Variants in ZC2HC1B observed in about 807,000 individuals in gnomAD.
ZC2HC1B encodes the protein zinc finger C2HC-type containing 1B.
Under a neutral mutation model 31.0 loss-of-function variants are expected in ZC2HC1B, and 36 were observed. The ratio of observed to expected loss-of-function variants is 1.16; its 90% CI spans 0.89 to 1.54. The LOEUF is 1.54. ZC2HC1B is among the 40% of genes most tolerant of loss of function. The probability of loss-of-function intolerance (pLI) is 0.00; values close to 1 mark genes in which losing one functional copy is unlikely to be tolerated. For synonymous variants in ZC2HC1B, 73 were observed against 88.0 expected, an observed-to-expected ratio of 0.83 and a Z score of 0.95; for missense variants, 260 against 268.6, an observed-to-expected ratio of 0.97 and a Z score of 0.22.
intron 6 of ZC2HC1B, among the ~76,000 whole-genome samples, chr6:143,936,039 C>T (rs1370212134): frequency 2.6e-5 from 4 of 152,070 alleles, no homozygotes; most frequent in Non-Finnish European, 4.4e-5. Flanking sequence ...TCCTAAAACT[C>T]GGGCTTTCAT....
Position 143,886,928 on chromosome 6 carries a change from T to A in ZC2HC1B, c.349+107T>A. On this transcript the variant is annotated intron_variant, in intron 4 of 7. Coordinates refer to ENST00000237275, the MANE Select transcript of ZC2HC1B (RefSeq NM_001013623.3). The surrounding 1 kb of genome is among the most constrained non-coding windows in gnomAD (Gnocchi z 4.2). ...GACAATAACAATTACATAGAAGTAA[T>A]TTTATTAATTATATAAAAGTAAACA... is the stretch of plus-strand genomic sequence containing the variant. The A allele has an allele frequency of 1.9e-6, 2 of 1,071,354 alleles. No homozygotes were observed. Among genetic ancestry groups the A allele is most frequent in the Non-Finnish European group, 2.5e-6 (2 of 805,802 alleles). 66.4% of individuals were successfully genotyped at this position (1,071,354 alleles called of 1,614,324 possible). A position where few individuals can be genotyped will look rare whatever the true frequency, so the allele number is the denominator to read the frequency against.
chr6:143,882,856 T>C (rs927390763), intron 1 of ZC2HC1B, among the ~76,000 whole-genome samples: 5 of 152,166 alleles, frequency 3.3e-5, no homozygotes, highest in African/African-American at 1.2e-4. Context: ...TCAAGTTTCC[T>C]GTTTCTATCC....
chr6:143,909,145 T>A (rs1422995329), intron 6 of ZC2HC1B, among the ~76,000 whole-genome samples: 3 of 152,190 alleles, frequency 2.0e-5, no homozygotes, highest in Admixed American at 1.3e-4. Flanking sequence ...ATAAGCTTTT[T>A]GATGTGCTGC....
chr6:143,884,214 C>G lies in ZC2HC1B; in HGVS notation c.29-90C>G. 1 of 1,166,964 alleles carries G rather than the reference C, an allele frequency of 8.6e-7. No individual in the cohort carries two copies. The highest frequency in any genetic ancestry group is 1.2e-6 in the Non-Finnish European group (1 of 836,648). 72.3% of individuals were successfully genotyped at this position (1,166,964 alleles called of 1,614,324 possible). ...GGGAGGGAAAAGAGAGTGAGGATAT[C>G]AAGCTATTGAGGTCACCTCCAGTCA... On this transcript the variant is annotated intron_variant, in intron 1 of 7. Coordinates refer to ENST00000237275, the MANE Select transcript of ZC2HC1B (RefSeq NM_001013623.3). The surrounding 1 kb of genome is among the most constrained non-coding windows in gnomAD (Gnocchi z 5.1).
rs543602346 is a variant in ZC2HC1B, at chr6:143,883,787, C to T, written c.29-517C>T. Among the ~76,000 whole-genome samples the T allele has an allele frequency of 4.6e-5, 7 of 152,122 alleles. No individual in the cohort carries two copies. Among genetic ancestry groups the T allele is most frequent in the East Asian group, 3.9e-4 (2 of 5,194 alleles). On this transcript the variant is annotated intron_variant, in intron 1 of 7. Transcript: ENST00000237275. The surrounding 1 kb of genome is among the most constrained non-coding windows in gnomAD (Gnocchi z 4.1). ...TTGCATATAGCCAATATCTATTTAT[C>T]GAATGAATGTTTCTATGTTAGAAAT...
intron 1 of ZC2HC1B, chr6:143,881,640 A>C (rs1050866091): frequency 6.6e-6 from 1 of 151,194 alleles, no homozygotes; most frequent in Non-Finnish European, 1.5e-5. Context: ...CAGTTTGTTT[A>C]ACCGTTCACC....
At chr6:143,898,772 A>C in intron 5 of ZC2HC1B, 81 bp downstream of exon 5, 1 of 1,495,242 alleles carries the variant, frequency 6.7e-7, no homozygotes, top group Non-Finnish European at 9.0e-7. Flanking sequence ...AGAGAACCTC[A>C]GTTACCCATC....
At position 143,924,024 on chromosome 6, in the gene ZC2HC1B, G is replaced by A. The variant is rs552419673; in HGVS notation, c.599-13625G>A. On this transcript the variant is annotated intron_variant, in intron 6 of 7. Transcript: ENST00000237275. This position sits in a 1 kb window ranked among gnomAD's most constrained non-coding sequence, Gnocchi z 5.2. ...TGATAGGGATTACATTGAATCTGTA[G>A]ATTGCTTTGGGTAGTATGGTCATTT... Among the ~76,000 whole-genome samples the A allele has an allele frequency of 2.2e-4, 33 of 152,074 alleles. No individual in the cohort carries two copies. Among genetic ancestry groups the A allele is most frequent in the African/African-American group, 7.5e-4 (31 of 41,514 alleles).
intron 6 of ZC2HC1B, among the ~76,000 whole-genome samples, chr6:143,930,158 T>C (rs1156922773): frequency 6.6e-6 from 1 of 152,140 alleles, no homozygotes; most frequent in East Asian, 1.9e-4. Context: ...GTTTCTTTTG[T>C]TTCTTGATGT....
intron 1 of ZC2HC1B, among the ~76,000 whole-genome samples, chr6:143,880,894 T>C (rs1777458398): frequency 6.6e-6 from 1 of 152,210 alleles, no homozygotes; most frequent in East Asian, 1.9e-4. Flanking sequence ...TTTACCCAGT[T>C]TTCCCTAAGT....
chr6:143,890,578 A>G (rs528827141), intron 4 of ZC2HC1B, among the ~76,000 whole-genome samples: 7 of 152,288 alleles, frequency 4.6e-5, no homozygotes, highest in East Asian at 1.9e-4. Context: ...TCAACACTGT[A>G]CTATTGATAA....
In ZC2HC1B at chr6:143,869,495, G is replaced by C. The variant is rs1403370898; in HGVS notation, c.28+4928G>C. 6.6e-6 allele frequency among the ~76,000 whole-genome samples: 1 copy of C among 152,212 alleles called. No homozygotes were observed. Among genetic ancestry groups the C allele is most frequent in the African/African-American group, 2.4e-5 (1 of 41,462 alleles). ...CTGTAAAGTGAGTGCCTCTCTCTCT[G>C]TAAAGAGAGGCAATGCTGTGTGGAA... On this transcript the variant is annotated intron_variant, in intron 1 of 7. Coordinates refer to ENST00000237275, the MANE Select transcript of ZC2HC1B (RefSeq NM_001013623.3). The surrounding 1 kb of genome is among the most constrained non-coding windows in gnomAD (Gnocchi z 5.2).
At chr6:143,877,272 C>CTTTTTTTTTTTTTTTTTTTTTTTTTT (rs34994479) in intron 1 of ZC2HC1B, among the ~76,000 whole-genome samples, 1 of 42,594 alleles carries the variant, frequency 2.3e-5, no homozygotes, top group African/African-American at 1.2e-4. Context: ...TTTTTAATTT[C>CTTTTTTTTTTTTTTTTTTTTTTTTTT]TTTTTTTTTT....
rs776927421 is a variant in ZC2HC1B, at chr6:143,924,844, A to G, written c.599-12805A>G. Among the ~76,000 whole-genome samples, 7 of 152,058 alleles carry G rather than the reference A, an allele frequency of 4.6e-5. No homozygotes were observed. Among genetic ancestry groups the G allele is most frequent in the Non-Finnish European group, 1.0e-4 (7 of 67,990 alleles). Reference sequence around the variant, plus strand: ...CTTGCATGGGTGGAACCATCCTTTCATCTGATGTATTATCCTTTTATGGTG... The same window carrying G: ...CTTGCATGGGTGGAACCATCCTTTCGTCTGATGTATTATCCTTTTATGGTG... On this transcript the variant is annotated intron_variant, in intron 6 of 7. Transcript: ENST00000237275. This position sits in a 1 kb window ranked among gnomAD's most constrained non-coding sequence, Gnocchi z 5.2.
Position 143,921,113 on chromosome 6 carries a change from C to T in ZC2HC1B, c.599-16536C>T, listed in dbSNP as rs1777982492. 6.6e-6 allele frequency among the ~76,000 whole-genome samples: 1 copy of T among 152,152 alleles called. No homozygotes were observed. Among genetic ancestry groups the T allele is most frequent in the Admixed American group, 6.5e-5 (1 of 15,274 alleles). On this transcript the variant is annotated intron_variant, in intron 6 of 7. Coordinates refer to ENST00000237275, the MANE Select transcript of ZC2HC1B (RefSeq NM_001013623.3). This position sits in a 1 kb window ranked among gnomAD's most constrained non-coding sequence, Gnocchi z 6.1. ...TCCTGTCTCATGACCTTTGTACTGG[C>T]TGCCCCCTCTGCTGAAAACAAAAAC...
chr6:143,876,826 GT>G lies in ZC2HC1B; in HGVS notation c.29-7471del, dbSNP rs909885150. 4.7e-5 allele frequency among the ~76,000 whole-genome samples: 7 copies of G among 150,172 alleles called. 1 individual carries two copies. Among genetic ancestry groups the G allele is most frequent in the South Asian group, 4.4e-4 (2 of 4,578 alleles). Reference sequence around the variant, plus strand: ...TAGGCTAGGAGGTTAGGCCAGTCTAGTTTTTTTCGTATTTTTCTGCCTGCTT... The same window carrying G: ...TAGGCTAGGAGGTTAGGCCAGTCTAGTTTTTTCGTATTTTTCTGCCTGCTT... On this transcript the variant is annotated intron_variant, in intron 1 of 7. Transcript: ENST00000237275.
In ZC2HC1B at chr6:143,934,661, A is replaced by T. The variant is rs1778156347; in HGVS notation, c.599-2988A>T. Among the ~76,000 whole-genome samples the T allele has an allele frequency of 6.6e-6, 1 of 152,166 alleles. No homozygotes were observed. The highest frequency in any genetic ancestry group is 2.1e-4 in the South Asian group (1 of 4,828). On this transcript the variant is annotated intron_variant, in intron 6 of 7. Transcript: ENST00000237275. This position sits in a 1 kb window ranked among gnomAD's most constrained non-coding sequence, Gnocchi z 4.6. ...AGTTGGGTAGGGCACTTTAGCTTTG[A>T]TACTGGAGCATACAGTAATTGCGTG...
intron 1 of ZC2HC1B, among the ~76,000 whole-genome samples, chr6:143,873,462 G>T (rs182298670): frequency 1.3e-4 from 20 of 152,276 alleles, no homozygotes; most frequent in African/African-American, 4.8e-4. Flanking sequence ...CTCCACCAGG[G>T]ACTCTGTGTG....
rs1170471596 is a variant in ZC2HC1B at position 143,911,223 on chromosome 6, C to A, written c.598+8071C>A. On this transcript the variant is annotated intron_variant, in intron 6 of 7. Transcript: ENST00000237275. The surrounding 1 kb of genome is among the most constrained non-coding windows in gnomAD (Gnocchi z 4.5). ...GACAGCATATTGATGGGTCCTGGTT[C>A]TTTATCCAGTTTGCTGCTCTATATC... Among the ~76,000 whole-genome samples the A allele has an allele frequency of 1.3e-5, 2 of 152,136 alleles. No homozygotes were observed. Among genetic ancestry groups the A allele is most frequent in the Admixed American group, 1.3e-4 (2 of 15,282 alleles).
Sources: allele counts gnomAD v4.1 joint callset (sites outside exome capture counted in the v4.1 genomes callset), GRCh38; gene constraint gnomAD v4.1.1; non-coding constraint Gnocchi (gnomAD v3.1); transcripts MANE v1.5; gene names NCBI Gene and HGNC (gene_info 2026-07-23, HGNC 2026-07-21).